Variants in UBAP2 observed in about 807,000 individuals in gnomAD.
UBAP2 encodes the protein ubiquitin-associated protein 2.
In UBAP2, 75 loss-of-function variants were observed where a neutral mutation model predicts 139.6. The ratio of observed to expected loss-of-function variants is 0.54; its 90% CI spans 0.45 to 0.65. The LOEUF (loss-of-function observed/expected upper bound fraction) is 0.65. UBAP2 is among the 30% of genes least tolerant of loss of function. UBAP2 has a pLI of 0.00. For synonymous variants in UBAP2, 526 were observed against 526.2 expected (o/e 1.00, Z 0.01); for missense variants, 1,368 against 1,369.6 (o/e 1.00, Z 0.02).
At chr9:33,931,091 C>A (rs1288236994) in intron 19 of UBAP2, among the ~76,000 whole-genome samples, 9 of 152,128 alleles carry the variant, frequency 5.9e-5, no homozygotes, top group Admixed American at 5.9e-4. Flanking sequence ...AAACAGTTGA[C>A]CCCTGAACAA....
chr9:34,038,455 G>A (rs1027963741), intron 1 of UBAP2, among the ~76,000 whole-genome samples: 6 of 151,750 alleles, frequency 4.0e-5, no homozygotes, highest in South Asian at 4.2e-4. Context: ...ACTGGTTTTC[G>A]TATTTTTTTG....
chr9:33,954,457 T>C (rs1308012394), intron 11 of UBAP2, among the ~76,000 whole-genome samples: 1 of 152,156 alleles, frequency 6.6e-6, no homozygotes, highest in Non-Finnish European at 1.5e-5. Flanking sequence ...ACCAACTCTT[T>C]TCTAAACTTA....
At chr9:33,980,158 G>A (rs532713214) in intron 6 of UBAP2, among the ~76,000 whole-genome samples, 50 of 146,188 alleles carry the variant, frequency 3.4e-4, no homozygotes, top group Non-Finnish European at 3.3e-4. Flanking sequence ...TAATAATTCC[G>A]CTTTAATCCA....
At chr9:33,986,966 C>A in intron 5 of UBAP2, 129 bp from the exon 6 acceptor site, 1 of 829,500 alleles carries the variant, frequency 1.2e-6, no homozygotes, top group South Asian at 1.5e-5. Context: ...GGTTCAAAAA[C>A]AGGAAAAACA....
At chr9:33,932,301 C>T (rs1824049946) in intron 19 of UBAP2, among the ~76,000 whole-genome samples, 1 of 152,132 alleles carries the variant, frequency 6.6e-6, no homozygotes, top group Admixed American at 6.5e-5. Flanking sequence ...GGAGCAAGGT[C>T]ACCACCTGAC....
At chr9:33,973,158 TAAA>T (rs1370533479) in intron 7 of UBAP2, 22 bp downstream of exon 7, 14 of 1,609,976 alleles carry the variant, frequency 8.7e-6, no homozygotes, top group Non-Finnish European at 1.1e-5. Context: ...TAAATAATTA[TAAA>T]AATAGGATGG....
chr9:33,964,768 T>C (rs2131024345), intron 8 of UBAP2, among the ~76,000 whole-genome samples: 1 of 152,228 alleles, frequency 6.6e-6, no homozygotes, highest in South Asian at 2.1e-4. Flanking sequence ...ATAAAAGCAC[T>C]ATAATATCAC....
chr9:33,953,231 A>G (rs748031090), intron 12 of UBAP2, 54 bp downstream of exon 12: 11 of 1,487,286 alleles, frequency 7.4e-6, no homozygotes, highest in Non-Finnish European at 1.0e-5. Context: ...TCTAGAATAC[A>G]TTTGCTAATG....
intron 4 of UBAP2, among the ~76,000 whole-genome samples, chr9:33,990,799 G>A (rs540039525): frequency 1.0e-3 from 159 of 152,080 alleles, no homozygotes; most frequent in Non-Finnish European, 2.0e-3. Flanking sequence ...ACCACACCCA[G>A]TGAATTTTTG....
At chr9:33,980,097 T>A (rs72727384) in intron 6 of UBAP2, among the ~76,000 whole-genome samples, 1 of 151,610 alleles carries the variant, frequency 6.6e-6, no homozygotes, top group African/African-American at 2.4e-5. Context: ...AACTGTATCA[T>A]GGAATCAAAT....
intron 1 of UBAP2, among the ~76,000 whole-genome samples, chr9:34,033,767 ACT>A (rs1271830689): frequency 1.4e-5 from 2 of 146,442 alleles, no homozygotes; most frequent in Admixed American, 6.9e-5. Context: ...ACAGAGTTTC[ACT>A]CTGTTGCCCA....
chr9:34,047,739 G>A (rs571696346), intron 1 of UBAP2, among the ~76,000 whole-genome samples: 1 of 152,346 alleles, frequency 6.6e-6, no homozygotes, highest in South Asian at 2.1e-4. Flanking sequence ...CAGATACTCA[G>A]GAGGCTGAGG....
chr9:34,041,174 C>T (rs765733682), intron 1 of UBAP2, among the ~76,000 whole-genome samples: 2 of 151,940 alleles, frequency 1.3e-5, no homozygotes, highest in Admixed American at 6.6e-5. Context: ...ATCAACGGGC[C>T]GGGCACGATG....
intron 1 of UBAP2, among the ~76,000 whole-genome samples, chr9:34,046,974 A>G (rs766480842): frequency 5.3e-5 from 8 of 152,166 alleles, no homozygotes; most frequent in Non-Finnish European, 1.0e-4. Flanking sequence ...AGGCAACTCC[A>G]TGTGACTACT....
chr9:34,006,681 C>CAA (rs796733793), intron 2 of UBAP2, among the ~76,000 whole-genome samples: 1 of 139,898 alleles, frequency 7.1e-6, no homozygotes, highest in African/African-American at 2.6e-5. Flanking sequence ...GACCTTGTCT[C>CAA]AAAAAAAAAA....
chr9:34,032,383 G>A (rs1190626716), intron 1 of UBAP2, among the ~76,000 whole-genome samples: 4 of 152,078 alleles, frequency 2.6e-5, no homozygotes, highest in Non-Finnish European at 5.9e-5. Flanking sequence ...CACTCCCTCT[G>A]CCCTGAGTCT....
intron 1 of UBAP2, among the ~76,000 whole-genome samples, chr9:34,031,412 A>G (rs1327138403): frequency 6.6e-6 from 1 of 152,022 alleles, no homozygotes; most frequent in Non-Finnish European, 1.5e-5. Context: ...GGTTCAAGCT[A>G]TTCTCCTGCC....
At chr9:34,005,134 G>A (rs1299728638) in intron 2 of UBAP2, among the ~76,000 whole-genome samples, 4 of 151,844 alleles carry the variant, frequency 2.6e-5, no homozygotes, top group East Asian at 1.9e-4. Context: ...GTGGTGGCAC[G>A]AGCCTGAAAT....
chr9:33,966,676 T>C (rs1429095362), intron 8 of UBAP2, among the ~76,000 whole-genome samples: 1 of 152,146 alleles, frequency 6.6e-6, no homozygotes, highest in East Asian at 1.9e-4. Context: ...TGCATATACG[T>C]AGTCAGAAAT....
Sources: gnomAD v4.1 joint callset for allele counts (sites outside exome capture counted in the v4.1 genomes callset) on GRCh38, gnomAD v4.1.1 for gene constraint, MANE v1.5 for transcripts, NCBI Gene and HGNC (gene_info 2026-07-23, HGNC 2026-07-21) for gene names.